Variants in GPC5 observed in about 807,000 individuals in gnomAD.
The protein encoded by GPC5 is glypican 5, also known as glypican-5.
In GPC5, 47 loss-of-function variants were observed where a neutral mutation model predicts 53.9. The observed-to-expected ratio is 0.87, with a 90% CI of 0.69 to 1.11. The LOEUF (loss-of-function observed/expected upper bound fraction) is 1.11. Among genes scored for constraint, GPC5 ranks in the 50% most tolerant of loss-of-function variants. The pLI is 0.00. For synonymous variants in GPC5, 286 were observed against 263.3 expected (o/e 1.09, Z -0.84); for missense variants, 748 against 713.1 (o/e 1.05, Z -0.56).
chr13:92,452,804 G>C (rs1343713996), intron 7 of GPC5, among the ~76,000 whole-genome samples: 2 of 152,082 alleles, frequency 1.3e-5, no homozygotes, highest in Non-Finnish European at 2.9e-5. Context: ...CCTGAGCTCA[G>C]GCAATCCACC....
chr13:92,010,428 T>C (rs111478023), intron 6 of GPC5, among the ~76,000 whole-genome samples: 213 of 152,292 alleles, frequency 1.4e-3, no homozygotes, highest in African/African-American at 4.2e-3. Context: ...AAGAGTTTTA[T>C]CTGGCAAGGG....
At chr13:92,612,796 G>C (rs1487594750) in intron 7 of GPC5, among the ~76,000 whole-genome samples, 3 of 152,024 alleles carry the variant, frequency 2.0e-5, no homozygotes, top group African/African-American at 4.8e-5. Context: ...TTACAAAAAT[G>C]ATACTCAAAT....
intron 7 of GPC5, among the ~76,000 whole-genome samples, chr13:92,276,020 A>C (rs1461085981): frequency 1.3e-5 from 2 of 152,120 alleles, no homozygotes; most frequent in African/African-American, 4.8e-5. Flanking sequence ...GGCCTAGCAT[A>C]GCTTTTATCA....
At chr13:92,329,100 G>A (rs1213168831) in intron 7 of GPC5, among the ~76,000 whole-genome samples, 1 of 152,116 alleles carries the variant, frequency 6.6e-6, no homozygotes, top group African/African-American at 2.4e-5. Context: ...TTCTAGAGGA[G>A]TCAAGCAGTT....
chr13:91,560,442 A>C (rs922312702), intron 2 of GPC5, among the ~76,000 whole-genome samples: 1 of 152,150 alleles, frequency 6.6e-6, no homozygotes, highest in East Asian at 1.9e-4. Context: ...GTCAAAGCCA[A>C]GTGACAGTTA....
At chr13:92,741,819 G>C (rs1389038557) in intron 7 of GPC5, among the ~76,000 whole-genome samples, 3 of 152,058 alleles carry the variant, frequency 2.0e-5, no homozygotes, top group Non-Finnish European at 2.9e-5. Context: ...TCCCGCCTAT[G>C]AGTAAGAACA....
chr13:92,317,649 A>G (rs911459753), intron 7 of GPC5, among the ~76,000 whole-genome samples: 13 of 136,094 alleles, frequency 9.6e-5, no homozygotes, highest in Non-Finnish European at 1.8e-4. Flanking sequence ...ATGCACAATC[A>G]TGTCTGCTAA....
At chr13:92,088,688 G>A (rs1767128007) in intron 6 of GPC5, among the ~76,000 whole-genome samples, 1 of 152,150 alleles carries the variant, frequency 6.6e-6, no homozygotes. Context: ...TCTCAGGGAG[G>A]ACCTGGGTAT....
At chr13:92,207,616 TTG>T (rs1435112177) in intron 7 of GPC5, among the ~76,000 whole-genome samples, 1 of 152,224 alleles carries the variant, frequency 6.6e-6, no homozygotes, top group African/African-American at 2.4e-5. Context: ...CATGTTGAAT[TTG>T]AGTATTCACT....
chr13:91,493,616 T>TA (rs1884061071), intron 2 of GPC5, among the ~76,000 whole-genome samples: 1 of 152,014 alleles, frequency 6.6e-6, no homozygotes, highest in South Asian at 2.1e-4. Flanking sequence ...GCTCTTGAAA[T>TA]AAAAAACCAA....
At chr13:91,589,764 A>G (rs969393332) in intron 2 of GPC5, among the ~76,000 whole-genome samples, 3 of 152,164 alleles carry the variant, frequency 2.0e-5, no homozygotes, top group African/African-American at 7.2e-5. Flanking sequence ...GGCTAGAAAT[A>G]TTCTATTAGA....
chr13:92,472,670 T>C (rs1878957489), intron 7 of GPC5, among the ~76,000 whole-genome samples: 1 of 152,114 alleles, frequency 6.6e-6, no homozygotes. Context: ...TAGATGAATA[T>C]CCAGAGTGAC....
intron 2 of GPC5, among the ~76,000 whole-genome samples, chr13:91,607,199 G>A (rs573342777): frequency 6.6e-6 from 1 of 152,042 alleles, no homozygotes; most frequent in Non-Finnish European, 1.5e-5. Flanking sequence ...ATGATGCCAA[G>A]TGTGAAGAAC....
intron 3 of GPC5, among the ~76,000 whole-genome samples, chr13:91,726,818 C>T (rs542861440): frequency 6.6e-6 from 1 of 152,328 alleles, no homozygotes; most frequent in Admixed American, 6.5e-5. Context: ...CCTCCATCTG[C>T]ACAGCTGCTG....
In GPC5 at chr13:91,398,883, C is replaced by G. The variant is rs145701530; in HGVS notation, c.-164C>G. 1.5e-3 allele frequency: 1,105 copies of G among 757,632 alleles called. 12 individuals are homozygous for G. The African/African-American group carries it at 0.019, about 13-fold the overall frequency. The allele number at this position is 757,632 out of a possible 1,614,324, so 46.9% of individuals were successfully genotyped here. ...TAGGGCCTCCTCCGGGAAGAGCTAA[C>G]TGCTCCCAGGTGAAGCCGGTGCCCG... On this transcript the variant is annotated 5_prime_UTR_variant, in exon 1 of 8. Coordinates refer to ENST00000377067, the MANE Select transcript of GPC5 (RefSeq NM_004466.6).
intron 2 of GPC5, among the ~76,000 whole-genome samples, chr13:91,570,072 G>T (rs2031714716): frequency 6.6e-6 from 1 of 152,088 alleles, no homozygotes; most frequent in South Asian, 2.1e-4. Flanking sequence ...AACAGAAAAT[G>T]CATAAAAGAT....
chr13:91,988,620 C>T (rs1566380496), intron 6 of GPC5, among the ~76,000 whole-genome samples: 1 of 152,124 alleles, frequency 6.6e-6, no homozygotes, highest in African/African-American at 2.4e-5. Context: ...AAAATCAAAC[C>T]TCCTGTATGC....
chr13:91,634,922 A>C (rs2034249187), intron 2 of GPC5, among the ~76,000 whole-genome samples: 1 of 152,092 alleles, frequency 6.6e-6, no homozygotes, highest in Non-Finnish European at 1.5e-5. Flanking sequence ...CCTGAGCTTT[A>C]AGAACTTAGA....
intron 2 of GPC5, among the ~76,000 whole-genome samples, chr13:91,496,192 A>G (rs966952118): frequency 6.6e-6 from 1 of 152,210 alleles, no homozygotes; most frequent in African/African-American, 2.4e-5. Flanking sequence ...AAAATTATAA[A>G]CGATTTCAAC....
Sources: allele counts gnomAD v4.1 joint callset (sites outside exome capture counted in the v4.1 genomes callset), GRCh38; gene constraint gnomAD v4.1.1; transcripts MANE v1.5; gene names NCBI Gene and HGNC (gene_info 2026-07-23, HGNC 2026-07-21).